The following VWA8 variants were observed in gnomAD, a reference collection of about 807,000 sequenced individuals.
VWA8 encodes the protein von Willebrand factor A domain containing 8.
A neutral mutation model predicts 241.5 loss-of-function variants in VWA8; 221 were observed. The observed-to-expected ratio is 0.91, with a 90% CI of 0.82 to 1.02. The LOEUF (loss-of-function observed/expected upper bound fraction) is 1.02, where lower values mean the gene tolerates loss of function less well. Ranked by LOEUF, VWA8 falls within the 50% of genes least tolerant of loss-of-function variation. The pLI is 0.00. For missense variants in VWA8, 2,322 were observed against 2,328.7 expected (o/e 1.00, Z 0.06); for synonymous variants, 852 against 827.1 (o/e 1.03, Z -0.52).
At chr13:41,703,233 T>A (rs1593707083) in intron 27 of VWA8, 70 bp downstream of exon 27, 1 of 1,205,556 alleles carries the variant, frequency 8.3e-7, no homozygotes, top group East Asian at 2.4e-5. Flanking sequence ...TTGTTTGAAT[T>A]ATCTCCAGGG....
At position 41,697,990 on chromosome 13, in the gene VWA8, C is replaced by T. The variant is rs557459520; in HGVS notation, c.3564+1081G>A. ...AACCTACTATTCCTTTTGTCTAGAACTCTCTTCTTCCAGGTACCTGTTCTC... is the reference window on the plus strand; with the variant it reads ...AACCTACTATTCCTTTTGTCTAGAATTCTCTTCTTCCAGGTACCTGTTCTC... On this transcript the variant is annotated intron_variant, in intron 29 of 44. Transcript: ENST00000379310. Among the ~76,000 whole-genome samples, 8 of 152,248 alleles carry T rather than the reference C, an allele frequency of 5.3e-5. 1 individual carries two copies. The highest frequency in any genetic ancestry group is 5.2e-4 in the Admixed American group (8 of 15,302).
At chr13:41,795,590 T>C (rs1869655357) in intron 17 of VWA8, among the ~76,000 whole-genome samples, 1 of 152,140 alleles carries the variant, frequency 6.6e-6, no homozygotes, top group African/African-American at 2.4e-5. Context: ...ATGTGGTACA[T>C]ATACACCATA....
intron 37 of VWA8, among the ~76,000 whole-genome samples, chr13:41,642,288 G>A (rs982130668): frequency 5.3e-5 from 8 of 152,110 alleles, no homozygotes; most frequent in Non-Finnish European, 1.2e-4. Context: ...GGCCAGGTGC[G>A]GTGGCTCATG....
intron 34 of VWA8, among the ~76,000 whole-genome samples, chr13:41,687,634 T>C (rs905276219): frequency 2.0e-5 from 3 of 152,272 alleles, no homozygotes; most frequent in Middle Eastern, 3.4e-3. Flanking sequence ...TCTATTTTTT[T>C]CATTTGTAAA....
chr13:41,692,693 A>G (rs1463714882), intron 30 of VWA8, among the ~76,000 whole-genome samples, 169 bp downstream of exon 30: 1 of 152,136 alleles, frequency 6.6e-6, no homozygotes, highest in Non-Finnish European at 1.5e-5. Flanking sequence ...AATTATACAC[A>G]TATCTATGGT....
At chr13:41,916,795 G>A (rs892945953) in intron 2 of VWA8, among the ~76,000 whole-genome samples, 1 of 152,112 alleles carries the variant, frequency 6.6e-6, no homozygotes, top group African/African-American at 2.4e-5. Context: ...ATAGAAACAA[G>A]ATTCAAGACT....
intron 4 of VWA8, among the ~76,000 whole-genome samples, chr13:41,902,993 C>T (rs1332348258): frequency 2.6e-5 from 4 of 152,192 alleles, no homozygotes; most frequent in Admixed American, 1.3e-4. Flanking sequence ...CAGGGATCAC[C>T]TAACAGTGAA....
chr13:41,912,308 T>C (rs1186460661), intron 2 of VWA8, 140 bp from the exon 3 acceptor site: 1 of 578,536 alleles, frequency 1.7e-6, no homozygotes, highest in African/African-American at 1.9e-5. Context: ...AACATATGTA[T>C]ATAAATATAT....
chr13:41,729,796 T>TAG (rs1364764807), intron 22 of VWA8, 119 bp from the exon 23 acceptor site: 4 of 596,314 alleles, frequency 6.7e-6, no homozygotes, highest in South Asian at 2.0e-5. Flanking sequence ...AGTATACACG[T>TAG]AGACACACAC....
intron 37 of VWA8, among the ~76,000 whole-genome samples, chr13:41,657,823 A>G (rs1013555804): frequency 2.0e-5 from 3 of 152,244 alleles, no homozygotes; most frequent in Admixed American, 6.5e-5. Context: ...TAACCCTAGC[A>G]CAGCAGATTT....
At chr13:41,591,826 G>C (rs2044456917) in intron 40 of VWA8, among the ~76,000 whole-genome samples, 1 of 147,676 alleles carries the variant, frequency 6.8e-6, no homozygotes, top group Non-Finnish European at 1.5e-5. Context: ...ACAGGTGCTG[G>C]AGAGGATGCG....
At chr13:41,608,639 G>C (rs1011872648) in intron 39 of VWA8, among the ~76,000 whole-genome samples, 3 of 152,168 alleles carry the variant, frequency 2.0e-5, no homozygotes, top group Non-Finnish European at 1.5e-5. Flanking sequence ...CATAAGCTTA[G>C]ATCCACTGTG....
chr13:41,805,361 G>A (rs1433353862), intron 17 of VWA8, among the ~76,000 whole-genome samples: 1 of 152,130 alleles, frequency 6.6e-6, no homozygotes, highest in Admixed American at 6.5e-5. Flanking sequence ...AATTCAGCAA[G>A]AGCATATAAC....
chr13:41,718,418 A>G (rs2045360851), intron 26 of VWA8, among the ~76,000 whole-genome samples: 1 of 151,940 alleles, frequency 6.6e-6, no homozygotes, highest in East Asian at 1.9e-4. Flanking sequence ...CCATCAGTAA[A>G]ATAGCATTGT....
chr13:41,824,498 G>A (rs776416954), intron 14 of VWA8, among the ~76,000 whole-genome samples: 1 of 152,094 alleles, frequency 6.6e-6, no homozygotes, highest in Non-Finnish European at 1.5e-5. Context: ...TGGCACTTAG[G>A]AGACAAAACT....
intron 4 of VWA8, among the ~76,000 whole-genome samples, chr13:41,898,927 G>A (rs1374731425): frequency 2.0e-5 from 3 of 152,124 alleles, no homozygotes; most frequent in Non-Finnish European, 4.4e-5. Flanking sequence ...GCCCGCAAGC[G>A]CCGCGCGCAG....
intron 2 of VWA8, among the ~76,000 whole-genome samples, chr13:41,916,850 A>C (rs1171700452): frequency 6.6e-6 from 1 of 152,250 alleles, no homozygotes; most frequent in South Asian, 2.1e-4. Flanking sequence ...ACTGCCATGC[A>C]TAACCTAATA....
chr13:41,865,793 G>T lies in VWA8; in HGVS notation c.1368C>A (p.Ile456=). 1 of 1,614,070 alleles carries T rather than the reference G, an allele frequency of 6.2e-7. No homozygotes were observed. Among genetic ancestry groups the T allele is most frequent in the Non-Finnish European group, 8.5e-7 (1 of 1,180,016 alleles). ...IGGKGCGKTV[I]AKNFADTLGY... is the part of the protein sequence containing the mutation. ...CTAAGGTATCGGCAAAGTTCTTAGCGATCACTGTTTTTCCACAACCCTACA... is the reference window on the plus strand; with the variant it reads ...CTAAGGTATCGGCAAAGTTCTTAGCTATCACTGTTTTTCCACAACCCTACA... The change falls in exon 12 of 45, where the codon ATC becomes ATA. Residue 456 remains isoleucine, a synonymous_variant. Transcript: ENST00000379310.
chr13:41,922,299 G>A (rs952516491), intron 2 of VWA8, among the ~76,000 whole-genome samples: 2 of 152,070 alleles, frequency 1.3e-5, no homozygotes, highest in African/African-American at 2.4e-5. Flanking sequence ...TGGATTAAAG[G>A]CTTAAATGTT....
Sources: allele counts gnomAD v4.1 joint callset (sites outside exome capture counted in the v4.1 genomes callset), GRCh38; gene constraint gnomAD v4.1.1; transcripts MANE v1.5; gene names NCBI Gene and HGNC (gene_info 2026-07-23, HGNC 2026-07-21).